The following TASP1 variants were observed in gnomAD, a reference collection of about 807,000 sequenced individuals.
TASP1 encodes taspase 1.
Under a neutral mutation model 56.6 loss-of-function variants are expected in TASP1, and 16 were observed. That is an observed-to-expected ratio of 0.28 (90% CI 0.19 to 0.43). TASP1 has a LOEUF of 0.43. TASP1 is among the 20% of genes least tolerant of loss of function. TASP1 has a pLI of 1.00. For synonymous variants in TASP1, 179 were observed against 184.2 expected, an observed-to-expected ratio of 0.97 and a Z score of 0.23; for missense variants, 393 against 511.6, an observed-to-expected ratio of 0.77 and a Z score of 2.24.
chr20:13,587,595 G>T (rs571161130), intron 4 of TASP1, among the ~76,000 whole-genome samples: 1 of 151,736 alleles, frequency 6.6e-6, no homozygotes, highest in South Asian at 2.1e-4. Context: ...AGAAATAGCA[G>T]CAAAACAAAT....
At chr20:13,323,363 A>G in the TASP1 span, among the ~76,000 whole-genome samples, 1 of 152,208 alleles carries the variant, frequency 6.6e-6, no homozygotes, top group Admixed American at 6.5e-5. Context: ...AGTTGGAATC[A>G]CACTGCAAAG....
chr20:13,275,568 G>A, the TASP1 span, among the ~76,000 whole-genome samples: 2 of 152,156 alleles, frequency 1.3e-5, no homozygotes, highest in South Asian at 2.1e-4. Context: ...AGCCCCATGC[G>A]GGTTACTGGA....
At chr20:13,306,887 C>G in the TASP1 span, among the ~76,000 whole-genome samples, 1 of 152,184 alleles carries the variant, frequency 6.6e-6, no homozygotes, top group East Asian at 1.9e-4. Flanking sequence ...AGGACAGAAT[C>G]TCCTGTCAAG....
the TASP1 span, among the ~76,000 whole-genome samples, chr20:13,361,297 G>A: frequency 0.19 from 29,031 of 151,996 alleles, 3,277 homozygotes; most frequent in African/African-American, 0.31. Flanking sequence ...CATTTCTTCC[G>A]TTCTGTTAGA....
intron 6 of TASP1, among the ~76,000 whole-genome samples, chr20:13,579,197 T>C (rs1395396011): frequency 6.6e-6 from 1 of 152,180 alleles, no homozygotes; most frequent in Non-Finnish European, 1.5e-5. Context: ...TTACAGAGAA[T>C]ATAAATCCAG....
chr20:13,600,748 A>G (rs1300281660), intron 4 of TASP1: 1 of 152,168 alleles, frequency 6.6e-6, no homozygotes, highest in East Asian at 1.9e-4. Context: ...GCAATTAAAA[A>G]AAGCAAGCCA....
intron 1 of TASP1, among the ~76,000 whole-genome samples, chr20:13,635,342 T>C (rs1285871805): frequency 1.3e-5 from 2 of 151,438 alleles, no homozygotes; most frequent in Non-Finnish European, 2.9e-5. Flanking sequence ...TAGTTCTTCA[T>C]AACTCACCTC....
chr20:13,372,211 C>T, the TASP1 span, among the ~76,000 whole-genome samples: 2 of 152,150 alleles, frequency 1.3e-5, no homozygotes, highest in Non-Finnish European at 2.9e-5. Context: ...AATCAGTGAA[C>T]ACTGAGTAAA....
In TASP1 at chr20:13,537,665, T is replaced by A. The variant is rs190015155; in HGVS notation, c.676-3524A>T. ...CCTTGACTAAAACATGCTATTTGTA[T>A]TACTTTTTTGATAAAATTGTAACTA... On this transcript the variant is annotated intron_variant, in intron 8 of 13. Coordinates refer to ENST00000337743, the MANE Select transcript of TASP1 (RefSeq NM_017714.3). Among the ~76,000 whole-genome samples, 236 of 152,338 alleles carry A rather than the reference T, an allele frequency of 1.5e-3. 2 individuals carry two copies. The highest frequency in any genetic ancestry group is 4.6e-4 in the Non-Finnish European group (31 of 68,020).
chr20:13,280,492 G>C, the TASP1 span, among the ~76,000 whole-genome samples: 1 of 151,898 alleles, frequency 6.6e-6, no homozygotes, highest in Non-Finnish European at 1.5e-5. Context: ...AATTCAGTGA[G>C]TTAAAATAAT....
chr20:13,449,269 C>G (rs1230609784), intron 11 of TASP1, among the ~76,000 whole-genome samples: 1 of 152,082 alleles, frequency 6.6e-6, no homozygotes, highest in Non-Finnish European at 1.5e-5. Context: ...ACTGTCTCCA[C>G]CAATCACTGC....
At chr20:13,252,605 A>G in the TASP1 span, among the ~76,000 whole-genome samples, 1 of 152,028 alleles carries the variant, frequency 6.6e-6, no homozygotes, top group Non-Finnish European at 1.5e-5. Flanking sequence ...ACAAAAATAC[A>G]TTAGCTGGGT....
At chr20:13,105,803 C>T in the TASP1 span, among the ~76,000 whole-genome samples, 1 of 152,122 alleles carries the variant, frequency 6.6e-6, no homozygotes, top group African/African-American at 2.4e-5. Context: ...TTCACCATCT[C>T]TTTATTCCAT....
chr20:13,404,998 T>C (rs1203212610), intron 13 of TASP1, among the ~76,000 whole-genome samples: 1 of 152,178 alleles, frequency 6.6e-6, no homozygotes, highest in Non-Finnish European at 1.5e-5. Flanking sequence ...TACACTTATT[T>C]AGTCAGTTAT....
the TASP1 span, among the ~76,000 whole-genome samples, chr20:13,191,373 T>G: frequency 6.6e-6 from 1 of 152,170 alleles, no homozygotes; most frequent in African/African-American, 2.4e-5. Context: ...ATGAGGAAAA[T>G]GTAGTATATA....
At chr20:13,424,960 C>G (rs1438647653) in intron 12 of TASP1, among the ~76,000 whole-genome samples, 2 of 152,160 alleles carry the variant, frequency 1.3e-5, no homozygotes, top group Non-Finnish European at 2.9e-5. Context: ...ACGTACACAC[C>G]ATTGATCCTG....
intron 11 of TASP1, among the ~76,000 whole-genome samples, chr20:13,441,387 T>A (rs999466432): frequency 6.6e-6 from 1 of 152,086 alleles, no homozygotes; most frequent in Non-Finnish European, 1.5e-5. Flanking sequence ...AATATGGAAA[T>A]CCACCCAATA....
chr20:13,332,666 G>C, the TASP1 span, among the ~76,000 whole-genome samples: 40 of 152,286 alleles, frequency 2.6e-4, no homozygotes, highest in South Asian at 3.1e-3. Flanking sequence ...GGGGATTAGT[G>C]ATGAATAAGG....
intron 13 of TASP1, among the ~76,000 whole-genome samples, chr20:13,408,797 C>A (rs6105090): frequency 6.6e-6 from 1 of 152,074 alleles, no homozygotes; most frequent in Non-Finnish European, 1.5e-5. Flanking sequence ...CACTTAATGC[C>A]TACAGAATCG....
Sources: allele counts gnomAD v4.1 joint callset (sites outside exome capture counted in the v4.1 genomes callset), GRCh38; gene constraint gnomAD v4.1.1; transcripts MANE v1.5; gene names NCBI Gene and HGNC (gene_info 2026-07-23, HGNC 2026-07-21).